AMPH: variants seen among roughly 807,000 people sequenced by gnomAD.
AMPH encodes amphiphysin (Stiff-Mann syndrome with breast cancer 128kD autoantigen).
Under a neutral mutation model 99.1 loss-of-function variants are expected in AMPH, and 49 were observed. That is an observed-to-expected ratio of 0.49 (90% CI 0.39 to 0.63). The LOEUF is 0.63. AMPH is among the 20% of genes least tolerant of loss of function. The probability of loss-of-function intolerance (pLI) is 0.00; values close to 1 mark genes in which losing one functional copy is unlikely to be tolerated. For missense variants in AMPH, 759 were observed against 863.4 expected (o/e 0.88, Z 1.52); for synonymous variants, 314 against 317.3 (o/e 0.99, Z 0.11).
At chr7:38,522,358 T>A (rs974416087) in intron 2 of AMPH, among the ~76,000 whole-genome samples, 2 of 152,224 alleles carry the variant, frequency 1.3e-5, no homozygotes, top group African/African-American at 4.8e-5. Flanking sequence ...AAATTTGTTC[T>A]ATTGACATTG....
intron 1 of AMPH, among the ~76,000 whole-genome samples, chr7:38,589,246 T>C (rs149747102): frequency 2.6e-4 from 40 of 152,316 alleles, no homozygotes; most frequent in African/African-American, 8.7e-4. Context: ...TATCCTTTTC[T>C]AGAATAAATG....
chr7:38,570,083 T>C (rs1247322482), intron 1 of AMPH, among the ~76,000 whole-genome samples: 2 of 152,156 alleles, frequency 1.3e-5, no homozygotes. Flanking sequence ...GAAGTTGCCT[T>C]AACGAGTCCT....
chr7:38,469,414 A>T (rs3807422), intron 7 of AMPH, among the ~76,000 whole-genome samples: 52,152 of 151,730 alleles, frequency 0.34, 9,521 homozygotes, highest in East Asian at 0.54. Flanking sequence ...ACAGCTACAG[A>T]TTGCAGACCT....
intron 2 of AMPH, among the ~76,000 whole-genome samples, chr7:38,511,594 T>C (rs1173193748): frequency 6.6e-6 from 1 of 152,148 alleles, no homozygotes; most frequent in Non-Finnish European, 1.5e-5. Context: ...GAAAAAAGAA[T>C]AAGTTCATTT....
chr7:38,455,430 T>C (rs1787195790), intron 11 of AMPH, among the ~76,000 whole-genome samples: 1 of 152,182 alleles, frequency 6.6e-6, no homozygotes, highest in Non-Finnish European at 1.5e-5. Flanking sequence ...TAGTACATGC[T>C]TCTTCCACAG....
rs186872365 is a variant in AMPH, at chr7:38,426,103, A to G, written c.1215+851T>C. Among the ~76,000 whole-genome samples the G allele has an allele frequency of 1.4e-4, 22 of 152,342 alleles. 1 individual carries two copies. In the Middle Eastern group the frequency reaches 0.01, roughly 71 times the overall value. On this transcript the variant is annotated intron_variant, in intron 15 of 20. Transcript: ENST00000356264. ...CATGGGAAAATAATGAAACCTTTAA[A>G]TACAGAATTCTATTTATGAATATAT...
intron 1 of AMPH, among the ~76,000 whole-genome samples, chr7:38,537,574 C>A (rs1790659611): frequency 1.3e-5 from 2 of 152,130 alleles, no homozygotes; most frequent in Admixed American, 1.3e-4. Context: ...CTTAACTATA[C>A]AAGCACCAGA....
At chr7:38,602,270 G>A (rs1477387663) in intron 1 of AMPH, among the ~76,000 whole-genome samples, 1 of 152,154 alleles carries the variant, frequency 6.6e-6, no homozygotes, top group African/African-American at 2.4e-5. Flanking sequence ...CAGTAGCCCA[G>A]CTTTCTAAAT....
At chr7:38,599,035 TAGTGCC>T (rs1257794026) in intron 1 of AMPH, among the ~76,000 whole-genome samples, 1 of 152,204 alleles carries the variant, frequency 6.6e-6, no homozygotes, top group Non-Finnish European at 1.5e-5. Context: ...AATTTCTATA[TAGTGCC>T]TAAATGTAGC....
At chr7:38,553,699 T>C (rs1791259799) in intron 1 of AMPH, among the ~76,000 whole-genome samples, 1 of 152,242 alleles carries the variant, frequency 6.6e-6, no homozygotes, top group Non-Finnish European at 1.5e-5. Context: ...GCCTTGAGTA[T>C]TGCCAAAATT....
At chr7:38,538,299 G>A (rs777991050) in intron 1 of AMPH, among the ~76,000 whole-genome samples, 56 of 152,184 alleles carry the variant, frequency 3.7e-4, no homozygotes, top group Non-Finnish European at 7.5e-4. Context: ...ACAATGAACA[G>A]TAGCAAAGAA....
chr7:38,584,687 G>A lies in AMPH; in HGVS notation c.69+46596C>T, dbSNP rs775708091. ...GAGATTTGGAAGGCCAGTTTCTGAC[G>A]AGAGAACTAGGGAATCAACATTCCC... On this transcript the variant is annotated intron_variant, in intron 1 of 20. Transcript: ENST00000356264. Among the ~76,000 whole-genome samples, 7 of 152,170 alleles carry A rather than the reference G, an allele frequency of 4.6e-5. No individual in the cohort carries two copies. The East Asian group carries it at 5.8e-4, about 13-fold the overall frequency.
intron 11 of AMPH, among the ~76,000 whole-genome samples, chr7:38,452,567 C>T (rs1054566795): frequency 1.3e-5 from 2 of 152,174 alleles, no homozygotes; most frequent in Non-Finnish European, 2.9e-5. Context: ...TCCAACTACC[C>T]TAAATATGGA....
intron 3 of AMPH, 85 bp downstream of exon 3, chr7:38,503,565 G>A (rs1250702135): frequency 3.6e-6 from 5 of 1,388,548 alleles, no homozygotes; most frequent in South Asian, 1.2e-5. Context: ...AAATGGCTTT[G>A]TAATTAACAC....
intron 17 of AMPH, among the ~76,000 whole-genome samples, chr7:38,407,076 A>ATATATG (rs1478238678): frequency 8.6e-4 from 17 of 19,750 alleles, no homozygotes; most frequent in Admixed American, 9.8e-4. Flanking sequence ...ATATATATAT[A>ATATATG]TGTGTGTGTG....
At chr7:38,485,165 G>A (rs1407523846) in intron 5 of AMPH, among the ~76,000 whole-genome samples, 3 of 151,776 alleles carry the variant, frequency 2.0e-5, no homozygotes, top group Non-Finnish European at 4.4e-5. Flanking sequence ...TAAATTCCCA[G>A]TCAAAAGACA....
intron 2 of AMPH, among the ~76,000 whole-genome samples, chr7:38,514,862 T>C (rs1200388648): frequency 6.6e-6 from 1 of 152,202 alleles, no homozygotes; most frequent in African/African-American, 2.4e-5. Flanking sequence ...GTGGGGCTGT[T>C]GCTATAACAA....
At chr7:38,586,360 A>G (rs1027058814) in intron 1 of AMPH, among the ~76,000 whole-genome samples, 2 of 152,216 alleles carry the variant, frequency 1.3e-5, no homozygotes, top group African/African-American at 2.4e-5. Context: ...TGTCAGAACT[A>G]CAGTGGTGTC....
chr7:38,401,061 T>C (rs931684461), intron 17 of AMPH, among the ~76,000 whole-genome samples: 27 of 152,324 alleles, frequency 1.8e-4, no homozygotes, highest in South Asian at 4.1e-4. Context: ...AGAAAAGTTA[T>C]AGTAATGGAT....
Sources: allele counts gnomAD v4.1 joint callset (sites outside exome capture counted in the v4.1 genomes callset), GRCh38; gene constraint gnomAD v4.1.1; transcripts MANE v1.5; gene names NCBI Gene and HGNC (gene_info 2026-07-23, HGNC 2026-07-21).